The following MAGI2 variants were observed in gnomAD, a reference collection of about 807,000 sequenced individuals.
The protein encoded by MAGI2 is membrane associated guanylate kinase, WW and PDZ domain containing 2, also known as membrane-associated guanylate kinase, WW and PDZ domain-containing protein 2.
In MAGI2, 35 loss-of-function variants were observed where a neutral mutation model predicts 133.3. The observed-to-expected ratio is 0.26, with a 90% CI of 0.20 to 0.35. The LOEUF is 0.35. Among genes scored for constraint, MAGI2 ranks in the 10% least tolerant of loss-of-function variants. MAGI2 has a pLI of 1.00. For synonymous variants in MAGI2, 729 were observed against 710.6 expected (o/e 1.03, Z -0.41); for missense variants, 1,636 against 1,863.4 (o/e 0.88, Z 2.25).
chr7:78,717,566 G>A (rs574300603), intron 2 of MAGI2, among the ~76,000 whole-genome samples: 107 of 152,218 alleles, frequency 7.0e-4, no homozygotes, highest in African/African-American at 2.4e-3. Context: ...AAATATCGGA[G>A]CCCCAATATT....
intron 2 of MAGI2, among the ~76,000 whole-genome samples, chr7:78,785,404 A>G (rs1826733869): frequency 6.6e-6 from 1 of 152,236 alleles, no homozygotes; most frequent in Non-Finnish European, 1.5e-5. Context: ...ATTCTATTTT[A>G]ATTTTTACAA....
intron 6 of MAGI2, among the ~76,000 whole-genome samples, chr7:78,463,067 T>A (rs1207668342): frequency 6.6e-6 from 1 of 152,232 alleles, no homozygotes; most frequent in African/African-American, 2.4e-5. Flanking sequence ...AAATGTTATC[T>A]GGGGCCCACC....
At chr7:79,363,410 T>TC (rs1842487526) in intron 1 of MAGI2, among the ~76,000 whole-genome samples, 2 of 149,520 alleles carry the variant, frequency 1.3e-5, no homozygotes, top group African/African-American at 4.9e-5. Flanking sequence ...ATATATATTC[T>TC]CCCAAAATTA....
At chr7:78,538,308 G>A (rs1798130703) in intron 3 of MAGI2, among the ~76,000 whole-genome samples, 1 of 152,146 alleles carries the variant, frequency 6.6e-6, no homozygotes, top group South Asian at 2.1e-4. Flanking sequence ...TTGGCTACAT[G>A]GGCTCTCTTT....
At chr7:78,925,059 T>A (rs886429549) in intron 2 of MAGI2, among the ~76,000 whole-genome samples, 3 of 151,940 alleles carry the variant, frequency 2.0e-5, no homozygotes, top group Non-Finnish European at 4.4e-5. Context: ...CTTGGTTTAG[T>A]GGCCAGGGGT....
At chr7:79,257,492 C>T (rs1478814008) in intron 1 of MAGI2, among the ~76,000 whole-genome samples, 1 of 152,148 alleles carries the variant, frequency 6.6e-6, no homozygotes, top group Non-Finnish European at 1.5e-5. Context: ...GATCCAAATA[C>T]CCTAAACTCA....
At chr7:78,930,417 T>C (rs1800024717) in intron 2 of MAGI2, among the ~76,000 whole-genome samples, 1 of 152,100 alleles carries the variant, frequency 6.6e-6, no homozygotes, top group South Asian at 2.1e-4. Flanking sequence ...GAAATAATGT[T>C]AGTGAGAAAT....
intron 10 of MAGI2, among the ~76,000 whole-genome samples, chr7:78,243,918 C>T (rs1353110501): frequency 6.6e-6 from 1 of 151,672 alleles, no homozygotes; most frequent in Non-Finnish European, 1.5e-5. Flanking sequence ...TTATTCCCTC[C>T]TCTACACTAG....
At chr7:78,783,012 C>CTTTTTTTTTTTTT (rs11432048) in intron 2 of MAGI2, among the ~76,000 whole-genome samples, 30 of 96,236 alleles carry the variant, frequency 3.1e-4, no homozygotes, top group South Asian at 7.2e-4. Context: ...TGATTCTTAC[C>CTTTTTTTTTTTTT]TTTTTTTTTT....
chr7:78,967,645 C>A (rs1803441748), intron 2 of MAGI2, among the ~76,000 whole-genome samples: 2 of 151,558 alleles, frequency 1.3e-5, no homozygotes, highest in Admixed American at 6.6e-5. Context: ...GTGTAGAAGT[C>A]CAATTTCATT....
At chr7:78,991,590 C>CTT (rs537865391) in intron 2 of MAGI2, among the ~76,000 whole-genome samples, 4 of 139,252 alleles carry the variant, frequency 2.9e-5, no homozygotes, top group Non-Finnish European at 3.1e-5. Flanking sequence ...CTTCATTGTC[C>CTT]TTTTTTTTTT....
chr7:78,889,212 A>G (rs954661713), intron 2 of MAGI2, among the ~76,000 whole-genome samples: 2 of 152,258 alleles, frequency 1.3e-5, no homozygotes, highest in Non-Finnish European at 2.9e-5. Flanking sequence ...AAAGCCTCCA[A>G]GAAATATGGG....
intron 2 of MAGI2, among the ~76,000 whole-genome samples, chr7:78,689,682 C>CTTTTTTTTTT (rs200333526): frequency 2.5e-4 from 23 of 92,012 alleles, no homozygotes; most frequent in East Asian, 3.8e-4. Context: ...TTGGATCTGG[C>CTTTTTTTTTT]TTTTTTTTTT....
At chr7:78,708,169 G>A (rs1288345625) in intron 2 of MAGI2, among the ~76,000 whole-genome samples, 1 of 152,148 alleles carries the variant, frequency 6.6e-6, no homozygotes, top group Admixed American at 6.5e-5. Context: ...AGTCATAAAT[G>A]TTATCTTCAA....
intron 16 of MAGI2, among the ~76,000 whole-genome samples, chr7:78,159,192 G>A (rs1176106796): frequency 2.0e-5 from 3 of 152,058 alleles, no homozygotes; most frequent in South Asian, 4.2e-4. Context: ...TTTCTCCATC[G>A]CAATTCCCGT....
rs913358789 is a variant in MAGI2 at position 78,471,736 on chromosome 7, C to T, written c.1045+18025G>A. 5.3e-5 allele frequency among the ~76,000 whole-genome samples: 8 copies of T among 152,004 alleles called. No individual in the cohort carries two copies. In the East Asian group the frequency reaches 7.8e-4, roughly 15 times the overall value. ...GGTCAGGAGTTCGAGACCAGCCTGG[C>T]CAGCATAGTGAAACCCCGTGTCTAC... is the stretch of plus-strand genomic sequence containing the variant. On this transcript the variant is annotated intron_variant, in intron 6 of 21. Coordinates refer to ENST00000354212, the MANE Select transcript of MAGI2 (RefSeq NM_012301.4).
At chr7:78,424,476 G>T (rs1169328429) in intron 6 of MAGI2, among the ~76,000 whole-genome samples, 1 of 152,160 alleles carries the variant, frequency 6.6e-6, no homozygotes, top group Non-Finnish European at 1.5e-5. Context: ...AGTCCTTACT[G>T]GGGCACCTCC....
At chr7:78,662,184 T>C (rs1585006964) in intron 2 of MAGI2, among the ~76,000 whole-genome samples, 1 of 152,210 alleles carries the variant, frequency 6.6e-6, no homozygotes, top group Non-Finnish European at 1.5e-5. Flanking sequence ...TTTTAGGGTG[T>C]AAAGTACTTT....
chr7:78,185,859 T>A (rs1827645560), intron 12 of MAGI2, among the ~76,000 whole-genome samples, 189 bp from the exon 13 acceptor site: 1 of 152,202 alleles, frequency 6.6e-6, no homozygotes, highest in Non-Finnish European at 1.5e-5. Flanking sequence ...AGCATGTATG[T>A]AAATATGTTT....
Sources: allele counts gnomAD v4.1 joint callset (sites outside exome capture counted in the v4.1 genomes callset), GRCh38; gene constraint gnomAD v4.1.1; transcripts MANE v1.5; gene names NCBI Gene and HGNC (gene_info 2026-07-23, HGNC 2026-07-21).